The following HTT-AS variants were observed in gnomAD, a reference collection of about 807,000 sequenced individuals.
The protein encoded by HTT-AS is HTT antisense RNA (head to head).
At chr4:3,055,927 A>T (rs1468068712) in intron 2 of HTT-AS, among the ~76,000 whole-genome samples, 1 of 152,224 alleles carries the variant, frequency 6.6e-6, no homozygotes, top group Non-Finnish European at 1.5e-5. Context: ...TACCGTATCA[A>T]ATCTATTCCT....
chr4:3,063,166 C>T (rs1456240649), exon 2 of HTT-AS, among the ~76,000 whole-genome samples: 3 of 152,146 alleles, frequency 2.0e-5, no homozygotes, highest in Admixed American at 1.3e-4. Context: ...AGAGGGCTCT[C>T]TTTTATGTAT....
At chr4:3,072,297 T>G (rs1385485764) in intron 1 of HTT-AS, among the ~76,000 whole-genome samples, 1 of 152,240 alleles carries the variant, frequency 6.6e-6, no homozygotes, top group Non-Finnish European at 1.5e-5. Context: ...GAGGCCGCCT[T>G]TATGTCCTCG....
chr4:3,055,284 C>T (rs61269488), intron 2 of HTT-AS, among the ~76,000 whole-genome samples: 8,565 of 151,086 alleles, frequency 0.057, 367 homozygotes, highest in African/African-American at 0.12. Flanking sequence ...GGCAACACAG[C>T]GAGACTCCGT....
At chr4:3,061,995 A>G (rs1233155086) in intron 2 of HTT-AS, among the ~76,000 whole-genome samples, 2 of 150,004 alleles carry the variant, frequency 1.3e-5, no homozygotes, top group East Asian at 3.9e-4. Context: ...TTAAAAAAAA[A>G]AAAAAAAAAA....
chr4:3,056,573 T>C (rs970369208), intron 2 of HTT-AS, among the ~76,000 whole-genome samples: 1 of 152,190 alleles, frequency 6.6e-6, no homozygotes, highest in Non-Finnish European at 1.5e-5. Context: ...TCAGGCCATA[T>C]TTAGTTTGCT....
intron 1 of HTT-AS, among the ~76,000 whole-genome samples, chr4:3,072,509 A>G (rs553082642): frequency 3.4e-4 from 52 of 152,368 alleles, no homozygotes; most frequent in African/African-American, 1.1e-3. Flanking sequence ...AAGGGTGTCA[A>G]TACCAGGAGG....
intron 2 of HTT-AS, among the ~76,000 whole-genome samples, chr4:3,057,337 GACTGGCTTTTTC>G (rs141534383): frequency 0.092 from 14,006 of 151,958 alleles, 864 homozygotes; most frequent in African/African-American, 0.17. Flanking sequence ...CCCACCCTGT[GACTGGCTTTTTC>G]ACTTAGCATA....
chr4:3,059,622 C>T (rs1159495074), intron 2 of HTT-AS, among the ~76,000 whole-genome samples: 4 of 151,986 alleles, frequency 2.6e-5, no homozygotes, highest in Admixed American at 6.6e-5. Context: ...CAGAGTCTCG[C>T]TCCGTCACCC....
At chr4:3,050,779 G>A (rs1711686401) in intron 2 of HTT-AS, among the ~76,000 whole-genome samples, 1 of 152,100 alleles carries the variant, frequency 6.6e-6, no homozygotes, top group South Asian at 2.1e-4. Flanking sequence ...CTGAAGAGGA[G>A]TAAACATTAT....
At chr4:3,063,056 G>A (rs532976230) in exon 2 of HTT-AS, among the ~76,000 whole-genome samples, 1 of 152,226 alleles carries the variant, frequency 6.6e-6, no homozygotes, top group African/African-American at 2.4e-5. Context: ...TAGGGGGTCG[G>A]AGACACGACG....
chr4:3,049,251 C>T (rs1244743319), exon 3 of HTT-AS, among the ~76,000 whole-genome samples: 2 of 152,006 alleles, frequency 1.3e-5, no homozygotes, highest in Non-Finnish European at 2.9e-5. Flanking sequence ...TGGCAAAAAC[C>T]CATCTCTACT....
intron 1 of HTT-AS, among the ~76,000 whole-genome samples, chr4:3,067,745 G>A (rs776453645): frequency 4.6e-5 from 7 of 152,298 alleles, no homozygotes; most frequent in Middle Eastern, 3.4e-3. Context: ...GGGGATCTGC[G>A]TTCCAGAACT....
chr4:3,070,604 T>G (rs1008323371), intron 1 of HTT-AS, among the ~76,000 whole-genome samples: 6 of 152,198 alleles, frequency 3.9e-5, no homozygotes, highest in African/African-American at 1.4e-4. Context: ...CTTCTGTGTA[T>G]GTGTACGCTG....
chr4:3,059,906 T>C (rs1402956793), intron 2 of HTT-AS, among the ~76,000 whole-genome samples: 1 of 149,302 alleles, frequency 6.7e-6, no homozygotes, highest in Non-Finnish European at 1.5e-5. Context: ...CTTTAACATC[T>C]TTGTCCCTGT....
chr4:3,047,702 TTGTG>T (rs1229806941), downstream of HTT-AS, among the ~76,000 whole-genome samples: 1 of 152,194 alleles, frequency 6.6e-6, no homozygotes, highest in Non-Finnish European at 1.5e-5. Context: ...CCACCATCTC[TTGTG>T]GAAGGCCTGA....
At chr4:3,069,653 C>A (rs1000444400) in intron 1 of HTT-AS, among the ~76,000 whole-genome samples, 1 of 152,026 alleles carries the variant, frequency 6.6e-6, no homozygotes, top group Non-Finnish European at 1.5e-5. Context: ...TCCTTACCAG[C>A]GGTGCACCTA....
At chr4:3,066,439 A>G (rs749067373) in intron 1 of HTT-AS, among the ~76,000 whole-genome samples, 2 of 152,072 alleles carry the variant, frequency 1.3e-5, no homozygotes, top group African/African-American at 4.8e-5. Flanking sequence ...AAGTGCTGGG[A>G]TTATAGGCGT....
intron 2 of HTT-AS, among the ~76,000 whole-genome samples, chr4:3,060,769 T>C (rs61293276): frequency 0.056 from 8,547 of 152,222 alleles, 444 homozygotes; most frequent in African/African-American, 0.13. Context: ...TTGTCAACCA[T>C]GTGCACAGTA....
chr4:3,061,079 T>G (rs1438238560), intron 2 of HTT-AS, among the ~76,000 whole-genome samples: 1 of 152,242 alleles, frequency 6.6e-6, no homozygotes, highest in East Asian at 1.9e-4. Context: ...TGTATCTATG[T>G]TCTTGATTTC....
Sources: allele counts gnomAD v4.1 joint callset (sites outside exome capture counted in the v4.1 genomes callset), GRCh38; gene constraint gnomAD v4.1.1; transcripts MANE v1.5; gene names NCBI Gene and HGNC (gene_info 2026-07-23, HGNC 2026-07-21).